The following TCF7L2 variants were observed in gnomAD, a reference collection of about 807,000 sequenced individuals.
TCF7L2 encodes transcription factor 7 like 2.
A neutral mutation model predicts 77.9 loss-of-function variants in TCF7L2; 23 were observed. The observed-to-expected ratio is 0.30, with a 90% CI of 0.21 to 0.42. The LOEUF (loss-of-function observed/expected upper bound fraction) is 0.42. Among genes scored for constraint, TCF7L2 ranks in the 10% least tolerant of loss-of-function variants. TCF7L2 has a pLI of 1.00. For synonymous variants in TCF7L2, 413 were observed against 340.2 expected (o/e 1.21, Z -2.36); for missense variants, 654 against 793.1 (o/e 0.82, Z 2.11).
intron 4 of TCF7L2, among the ~76,000 whole-genome samples, chr10:112,984,338 C>G (rs550121115): frequency 6.6e-6 from 1 of 152,122 alleles, no homozygotes; most frequent in Non-Finnish European, 1.5e-5. Flanking sequence ...TTTGCCAGAA[C>G]TCTATAGCTG....
In TCF7L2 at chr10:112,970,725, T is replaced by A. The variant is rs183953581; in HGVS notation, c.450+6101T>A. Among the ~76,000 whole-genome samples the A allele has an allele frequency of 3.0e-3, 454 of 152,224 alleles. 4 individuals are homozygous for A. The highest frequency in any genetic ancestry group is 3.3e-3 in the Non-Finnish European group (223 of 68,016). ...AGGTTTTTGATGAGGGTCTCTTGTGTTCTGGGCCTTTCCTCTCACCCATCA... is the reference window on the plus strand; with the variant it reads ...AGGTTTTTGATGAGGGTCTCTTGTGATCTGGGCCTTTCCTCTCACCCATCA... On this transcript the variant is annotated intron_variant, in intron 4 of 13. Transcript: ENST00000627217.
intron 4 of TCF7L2, among the ~76,000 whole-genome samples, chr10:112,989,210 A>G (rs148022216): frequency 1.2e-4 from 18 of 152,182 alleles, no homozygotes; most frequent in African/African-American, 4.1e-4. Context: ...TCCAAGGTCC[A>G]GTATAGACCT....
At chr10:113,134,601 C>G (rs897837173) in intron 5 of TCF7L2, among the ~76,000 whole-genome samples, 3 of 152,210 alleles carry the variant, frequency 2.0e-5, no homozygotes, top group African/African-American at 7.2e-5. Context: ...CCAGCCTGTC[C>G]TCTTCCCCAA....
intron 5 of TCF7L2, among the ~76,000 whole-genome samples, chr10:113,040,525 C>T (rs995782226): frequency 6.6e-6 from 1 of 152,196 alleles, no homozygotes; most frequent in Non-Finnish European, 1.5e-5. Flanking sequence ...GGATTTGAAA[C>T]TTGCCTATTA....
intron 6 of TCF7L2, among the ~76,000 whole-genome samples, chr10:113,141,845 A>G (rs921711862): frequency 9.2e-5 from 14 of 152,176 alleles, no homozygotes; most frequent in Admixed American, 2.0e-4. Flanking sequence ...TTTCTTTGCT[A>G]ATTTATTTAG....
At chr10:112,955,944 C>G (rs988137183) in intron 3 of TCF7L2, among the ~76,000 whole-genome samples, 1 of 151,458 alleles carries the variant, frequency 6.6e-6, no homozygotes, top group Non-Finnish European at 1.5e-5. Flanking sequence ...TGCCTCCTTA[C>G]ATCCCACGAG....
At chr10:113,091,393 G>A (rs1446758270) in intron 5 of TCF7L2, among the ~76,000 whole-genome samples, 2 of 152,136 alleles carry the variant, frequency 1.3e-5, no homozygotes, top group Non-Finnish European at 2.9e-5. Flanking sequence ...GTACTAAAGT[G>A]GAAATCCTCT....
intron 5 of TCF7L2, chr10:113,129,657 A>G: frequency 8.4e-7 from 1 of 1,187,366 alleles, no homozygotes. Flanking sequence ...TTTTGAGCCT[A>G]CTCGGCCAGG....
intron 5 of TCF7L2, among the ~76,000 whole-genome samples, chr10:113,050,091 A>G (rs1385023302): frequency 6.6e-6 from 1 of 152,126 alleles, no homozygotes; most frequent in African/African-American, 2.4e-5. Flanking sequence ...GTGTGAAGCA[A>G]TCTGTTTTCT....
At chr10:113,106,132 A>C (rs1279349679) in intron 5 of TCF7L2, among the ~76,000 whole-genome samples, 2 of 152,172 alleles carry the variant, frequency 1.3e-5, no homozygotes, top group Non-Finnish European at 2.9e-5. Context: ...ACCTGAGTGC[A>C]CTGAGAATAT....
intron 11 of TCF7L2, 78 bp downstream of exon 11, chr10:113,152,518 T>A (rs1167748958): frequency 2.5e-5 from 32 of 1,263,180 alleles, no homozygotes; most frequent in Non-Finnish European, 3.1e-5. Context: ...GAACAGGACC[T>A]GCCACTTGAC....
chr10:112,965,347 A>G lies in TCF7L2; in HGVS notation c.450+723A>G, dbSNP rs906417394. ...AGCTGAACTGATGCCAGCAGAATGC[A>G]GTAGAGGAGGGAGAGCAGACTAATA... On this transcript the variant is annotated intron_variant, in intron 4 of 13. Coordinates refer to ENST00000627217, the MANE Select transcript of TCF7L2 (RefSeq NM_001146274.2). Among the ~76,000 whole-genome samples the G allele has an allele frequency of 2.0e-5, 3 of 152,204 alleles. No homozygotes were observed. The South Asian group carries it at 6.2e-4, about 32-fold the overall frequency.
intron 5 of TCF7L2, among the ~76,000 whole-genome samples, chr10:113,134,338 A>C (rs2067076208): frequency 6.6e-6 from 1 of 152,238 alleles, no homozygotes; most frequent in Non-Finnish European, 1.5e-5. Context: ...TGCAGGATGC[A>C]AAAGCAAGTG....
At chr10:113,118,004 A>G (rs1271848371) in intron 5 of TCF7L2, among the ~76,000 whole-genome samples, 2 of 130,720 alleles carry the variant, frequency 1.5e-5, no homozygotes, top group Admixed American at 1.8e-4. Flanking sequence ...AAATAAATAT[A>G]AGCTTTTCTC....
chr10:112,984,833 T>C (rs561458278), intron 4 of TCF7L2, among the ~76,000 whole-genome samples: 2 of 152,302 alleles, frequency 1.3e-5, no homozygotes, highest in South Asian at 4.1e-4. Context: ...ATGGATGCAG[T>C]GGTAAGACCA....
At chr10:113,145,691 G>C (rs1404232204) in intron 7 of TCF7L2, among the ~76,000 whole-genome samples, 1 of 152,156 alleles carries the variant, frequency 6.6e-6, no homozygotes, top group Non-Finnish European at 1.5e-5. Flanking sequence ...CCCTCAATTA[G>C]TGTGATGGCT....
At chr10:113,150,552 A>G (rs1246192505) in intron 8 of TCF7L2, among the ~76,000 whole-genome samples, 1 of 152,224 alleles carries the variant, frequency 6.6e-6, no homozygotes, top group East Asian at 1.9e-4. Flanking sequence ...AAATGTATGT[A>G]TATTTCAACC....
chr10:113,025,088 T>C (rs1332338698), intron 4 of TCF7L2, among the ~76,000 whole-genome samples: 1 of 152,124 alleles, frequency 6.6e-6, no homozygotes, highest in Non-Finnish European at 1.5e-5. Flanking sequence ...GATAGGGTCT[T>C]GCTCTGTTGC....
intron 5 of TCF7L2, among the ~76,000 whole-genome samples, chr10:113,063,498 A>C (rs994627308): frequency 2.6e-4 from 40 of 152,036 alleles, no homozygotes; most frequent in African/African-American, 9.7e-4. Context: ...CTCTGGCTGG[A>C]GGGAAGATGA....
Sources: allele counts gnomAD v4.1 joint callset (sites outside exome capture counted in the v4.1 genomes callset), GRCh38; gene constraint gnomAD v4.1.1; transcripts MANE v1.5; gene names NCBI Gene and HGNC (gene_info 2026-07-23, HGNC 2026-07-21).